DGCR2: variants seen among roughly 807,000 people sequenced by gnomAD.
DGCR2 encodes integral membrane protein DGCR2/IDD.
In DGCR2, 24 loss-of-function variants were observed where a neutral mutation model predicts 51.6. The ratio of observed to expected loss-of-function variants is 0.47; its 90% CI spans 0.34 to 0.65. DGCR2 has a LOEUF of 0.65. Ranked by LOEUF, DGCR2 falls within the 30% of genes least tolerant of loss-of-function variation. The pLI is 0.01. For synonymous variants in DGCR2, 340 were observed against 315.4 expected, an observed-to-expected ratio of 1.08 and a Z score of -0.82; for missense variants, 765 against 772.1, an observed-to-expected ratio of 0.99 and a Z score of 0.11.
At chr22:19,040,768 G>A (rs1400702670) in intron 9 of DGCR2, among the ~76,000 whole-genome samples, 4 of 152,226 alleles carry the variant, frequency 2.6e-5, no homozygotes, top group Admixed American at 1.3e-4. Flanking sequence ...TGGGCTGAGG[G>A]CCCTGAGGGC....
chr22:19,117,726 G>C (rs997989540), intron 1 of DGCR2, among the ~76,000 whole-genome samples: 3 of 152,102 alleles, frequency 2.0e-5, no homozygotes, highest in Admixed American at 1.3e-4. Context: ...CTTTACTCTT[G>C]CAACTTTTCC....
At chr22:19,068,282 T>C in intron 2 of DGCR2, 57 bp from the exon 3 acceptor site, 2 of 1,507,074 alleles carry the variant, frequency 1.3e-6, no homozygotes, top group Non-Finnish European at 1.8e-6. Context: ...GCAGTCTCCC[T>C]GGCCAGCATG....
intron 1 of DGCR2, among the ~76,000 whole-genome samples, chr22:19,104,059 C>T (rs575158830): frequency 1.2e-4 from 18 of 152,250 alleles, no homozygotes; most frequent in Admixed American, 9.8e-4. Context: ...GAATCCCAAG[C>T]ATACATCCCA....
In DGCR2 at chr22:19,057,310, C is replaced by T. The variant is rs561145800; in HGVS notation, c.626-148G>A. 54 of 921,714 alleles carry T rather than the reference C, an allele frequency of 5.9e-5. No individual in the cohort carries two copies. The highest frequency in any genetic ancestry group is 7.1e-5 in the Non-Finnish European group (45 of 635,110). The allele number at this position is 921,714 out of a possible 1,614,324, so 57.1% of individuals were successfully genotyped here. ...GGTGGTCACTGTGGCCAGGTGTTCA[C>T]TCGGGACTCCCCAACCTCCTGGGAG... On this transcript the variant is annotated intron_variant, in intron 5 of 9. Transcript: ENST00000263196. The surrounding 1 kb of genome is among the most constrained non-coding windows in gnomAD (Gnocchi z 5.1).
chr22:19,067,840 G>A lies in DGCR2; in HGVS notation c.328+260C>T, dbSNP rs183435464. 5.3e-5 allele frequency among the ~76,000 whole-genome samples: 8 copies of A among 152,272 alleles called. No individual in the cohort carries two copies. The East Asian group carries it at 1.5e-3, about 29-fold the overall frequency. On this transcript the variant is annotated intron_variant, in intron 3 of 9. Coordinates refer to ENST00000263196, the MANE Select transcript of DGCR2 (RefSeq NM_005137.3). ...AATTTCCAAGGGCCAGTGCCTTCTGGCCCTGAAAAGCAGTCACTTTGTGAG... is the reference window on the plus strand; with the variant it reads ...AATTTCCAAGGGCCAGTGCCTTCTGACCCTGAAAAGCAGTCACTTTGTGAG...
chr22:19,101,602 G>A (rs538773821), intron 1 of DGCR2, among the ~76,000 whole-genome samples: 3 of 152,204 alleles, frequency 2.0e-5, no homozygotes, highest in South Asian at 4.1e-4. Flanking sequence ...TTAGCTGGGC[G>A]TGGTGGCGCA....
intron 6 of DGCR2, among the ~76,000 whole-genome samples, chr22:19,050,221 G>A (rs10854539): frequency 0.13 from 20,137 of 152,134 alleles, 2,201 homozygotes; most frequent in African/African-American, 0.3. Flanking sequence ...GCGAAAATAC[G>A]AAAAGCAGCA....
Position 19,057,129 on chromosome 22 carries a change from A to G in DGCR2, c.659T>C (p.Ile220Thr), listed in dbSNP as rs1214328459. 1 of 1,608,468 alleles carries G rather than the reference A, an allele frequency of 6.2e-7. No individual in the cohort carries two copies. The highest frequency in any genetic ancestry group is 1.3e-5 in the African/African-American group (1 of 74,970). Reference protein sequence around the residue: ...SSEVFLPPDPIFASAMSENDN... With the variant: ...SSEVFLPPDPTFASAMSENDN... ...GTTCTCAGACATGGCCGAGGCAAAGATGGGGTCTGGGGGCAGGAACACCTC... is the reference window on the plus strand; with the variant it reads ...GTTCTCAGACATGGCCGAGGCAAAGGTGGGGTCTGGGGGCAGGAACACCTC... The change falls in exon 6 of 10, where the codon ATC (isoleucine) becomes ACC (threonine). Residue 220 changes from isoleucine to threonine, a missense_variant. Transcript: ENST00000263196. The surrounding 1 kb of genome is among the most constrained non-coding windows in gnomAD (Gnocchi z 5.1).
At chr22:19,068,318 C>T (rs1225148804) in intron 2 of DGCR2, 93 bp from the exon 3 acceptor site, 68 of 1,371,830 alleles carry the variant, frequency 5.0e-5, no homozygotes, top group Non-Finnish European at 6.2e-5. Context: ...GGCTGCAAGG[C>T]CGGAGGGGGG....
chr22:19,086,389 G>C (rs1367730146), intron 2 of DGCR2, among the ~76,000 whole-genome samples: 2 of 152,158 alleles, frequency 1.3e-5, no homozygotes, highest in Non-Finnish European at 2.9e-5. Context: ...TGAGGCAGGA[G>C]AATGGCATGA....
chr22:19,108,160 C>T (rs1399397965), intron 1 of DGCR2, among the ~76,000 whole-genome samples: 1 of 152,078 alleles, frequency 6.6e-6, no homozygotes, highest in Non-Finnish European at 1.5e-5. Context: ...AACTTCGTAA[C>T]CTTGGGGTAG....
intron 1 of DGCR2, among the ~76,000 whole-genome samples, chr22:19,090,066 T>C (rs2083061760): frequency 6.6e-6 from 1 of 152,208 alleles, no homozygotes; most frequent in Non-Finnish European, 1.5e-5. Flanking sequence ...ACTGTAACAC[T>C]TAAGATGAAA....
rs2082439426 is a variant in DGCR2, at chr22:19,042,084, C to T, written c.1007-125G>A. The T allele has an allele frequency of 3.5e-6, 4 of 1,137,236 alleles. No homozygotes were observed. In the East Asian group the frequency reaches 1.1e-4, roughly 30 times the overall value. 70.4% of individuals were successfully genotyped at this position (1,137,236 alleles called of 1,614,324 possible). A position where few individuals can be genotyped will look rare whatever the true frequency, so the allele number is the denominator to read the frequency against. ...AAGGCACACAGTGTCTCCCTGCACC[C>T]AACCATCTTTAGGATACATGTGAAA... On this transcript the variant is annotated intron_variant, in intron 7 of 9. Transcript: ENST00000263196.
At chr22:19,095,117 C>T (rs1007973733) in intron 1 of DGCR2, among the ~76,000 whole-genome samples, 3 of 152,182 alleles carry the variant, frequency 2.0e-5, no homozygotes, top group Non-Finnish European at 4.4e-5. Context: ...AATCCCAGCA[C>T]TTTGGGAGGC....
At chr22:19,116,989 G>A (rs2083380037) in intron 1 of DGCR2, among the ~76,000 whole-genome samples, 1 of 151,918 alleles carries the variant, frequency 6.6e-6, no homozygotes. Context: ...CTGCTAAGAG[G>A]ACACCTGCAC....
rs2082407572 is a variant in DGCR2, at chr22:19,039,426, G to C, written c.1397-305C>G. On this transcript the variant is annotated intron_variant, in intron 9 of 9. Transcript: ENST00000263196. Reference sequence around the variant, plus strand: ...CGGTGTGAGGTAGGGGAGACACACTGACCAGCAGTCACTAGAACAGAGGGG... The same window carrying C: ...CGGTGTGAGGTAGGGGAGACACACTCACCAGCAGTCACTAGAACAGAGGGG... 3.3e-5 allele frequency among the ~76,000 whole-genome samples: 5 copies of C among 152,338 alleles called. No homozygotes were observed. The South Asian group carries it at 1.0e-3, about 32-fold the overall frequency.
At chr22:19,112,668 T>A (rs2083329519) in intron 1 of DGCR2, among the ~76,000 whole-genome samples, 1 of 143,640 alleles carries the variant, frequency 7.0e-6, no homozygotes, top group African/African-American at 2.6e-5. Flanking sequence ...ACTTCTGGGC[T>A]CAAGCAATCC....
chr22:19,117,812 G>A (rs2083389214), intron 1 of DGCR2, among the ~76,000 whole-genome samples: 1 of 152,150 alleles, frequency 6.6e-6, no homozygotes, highest in South Asian at 2.1e-4. Flanking sequence ...AGCTAGTGAA[G>A]GTAGAAAGTA....
intron 6 of DGCR2, among the ~76,000 whole-genome samples, chr22:19,051,464 C>T (rs1393983000): frequency 4.6e-5 from 7 of 152,154 alleles, no homozygotes; most frequent in African/African-American, 1.7e-4. Flanking sequence ...CAAAACAGAT[C>T]ATTAGTTCAC....
Sources: allele counts gnomAD v4.1 joint callset (sites outside exome capture counted in the v4.1 genomes callset), GRCh38; gene constraint gnomAD v4.1.1; non-coding constraint Gnocchi (gnomAD v3.1); transcripts MANE v1.5; gene names NCBI Gene and HGNC (gene_info 2026-07-23, HGNC 2026-07-21).